RANBP2: variants seen among roughly 807,000 people sequenced by gnomAD.
RANBP2 encodes the protein RAN binding protein 2, also known as E3 SUMO-protein ligase RanBP2.
Under a neutral mutation model 303.6 loss-of-function variants are expected in RANBP2, and 57 were observed. That is an observed-to-expected ratio of 0.19 (90% CI 0.15 to 0.23). The LOEUF is 0.23. RANBP2 is among the 10% of genes least tolerant of loss of function. The pLI is 1.00. For synonymous variants in RANBP2, 1,167 were observed against 1,301.5 expected, an observed-to-expected ratio of 0.90 and a Z score of 2.23; for missense variants, 3,138 against 3,780.8, an observed-to-expected ratio of 0.83 and a Z score of 4.46.
At chr2:108,790,575 GC>G (rs201340427), downstream of RANBP2, among the ~76,000 whole-genome samples, 2,059 of 152,244 alleles carry the variant, frequency 0.014, 56 homozygotes, top group African/African-American at 0.048. Flanking sequence ...GGTGGCGGGT[GC>G]CTGTAGTCCC....
chr2:108,772,743 T>G, intron 22 of RANBP2, 125 bp from the exon 23 acceptor site: 2 of 1,229,798 alleles, frequency 1.6e-6, no homozygotes, highest in South Asian at 2.8e-5. Flanking sequence ...TGGGTGGTCC[T>G]TGTTTTTCAT....
the RANBP2 span, among the ~76,000 whole-genome samples, chr2:109,685,369 T>C: frequency 1.1e-4 from 16 of 152,232 alleles, no homozygotes; most frequent in Non-Finnish European, 1.6e-4. Context: ...AGGGTACGTA[T>C]GTATATTTCA....
chr2:109,330,156 G>C, the RANBP2 span, among the ~76,000 whole-genome samples: 1 of 152,214 alleles, frequency 6.6e-6, no homozygotes, highest in Non-Finnish European at 1.5e-5. Context: ...GAGATACTTA[G>C]AGGGAACATG....
At chr2:109,147,532 T>C in the RANBP2 span, among the ~76,000 whole-genome samples, 1 of 152,332 alleles carries the variant, frequency 6.6e-6, no homozygotes, top group African/African-American at 2.4e-5. Flanking sequence ...TAGCACTAAA[T>C]GGAATGCTAA....
the RANBP2 span, chr2:109,436,996 A>G: frequency 6.2e-7 from 1 of 1,613,850 alleles, no homozygotes; most frequent in Non-Finnish European, 8.5e-7. Flanking sequence ...TGGGAGTCTG[A>G]GCAGCCTGGC....
At chr2:109,423,461 C>T in the RANBP2 span, among the ~76,000 whole-genome samples, 1 of 152,308 alleles carries the variant, frequency 6.6e-6, no homozygotes, top group African/African-American at 2.4e-5. Flanking sequence ...CATTCTGGGA[C>T]ACAGGAAAAG....
chr2:109,624,910 G>A, the RANBP2 span, among the ~76,000 whole-genome samples: 8 of 151,758 alleles, frequency 5.3e-5, no homozygotes, highest in South Asian at 8.3e-4. Flanking sequence ...GCGAAACCCC[G>A]TCTCTACTAA....
At chr2:109,274,229 T>C in the RANBP2 span, among the ~76,000 whole-genome samples, 2 of 152,222 alleles carry the variant, frequency 1.3e-5, no homozygotes, top group Non-Finnish European at 2.9e-5. Flanking sequence ...AGATTTCAAG[T>C]TCATTGGTCC....
At chr2:109,098,411 C>G in the RANBP2 span, among the ~76,000 whole-genome samples, 1 of 152,208 alleles carries the variant, frequency 6.6e-6, no homozygotes, top group Non-Finnish European at 1.5e-5. Context: ...GTCTCAATCT[C>G]CAGTGGGTGT....
At chr2:109,192,354 C>A in the RANBP2 span, among the ~76,000 whole-genome samples, 1 of 152,180 alleles carries the variant, frequency 6.6e-6, no homozygotes, top group African/African-American at 2.4e-5. Context: ...AAAACCTCTT[C>A]TTTTGAGCAG....
At chr2:109,250,094 T>G in the RANBP2 span, among the ~76,000 whole-genome samples, 1 of 151,682 alleles carries the variant, frequency 6.6e-6, no homozygotes, top group Non-Finnish European at 1.5e-5. Context: ...GTGTTCCTTT[T>G]TTTTTTTTTT....
chr2:109,491,087 G>A, the RANBP2 span: 1 of 361,420 alleles, frequency 2.8e-6, no homozygotes, highest in Non-Finnish European at 3.9e-6. Context: ...TCCCGAGCTT[G>A]GGTGGTGAGT....
the RANBP2 span, among the ~76,000 whole-genome samples, chr2:109,696,644 A>G: frequency 2.0e-5 from 3 of 152,184 alleles, no homozygotes; most frequent in Admixed American, 1.3e-4. Flanking sequence ...TTACATTTTC[A>G]TGCAAGCTTA....
At chr2:109,278,098 G>A in the RANBP2 span, among the ~76,000 whole-genome samples, 2 of 151,746 alleles carry the variant, frequency 1.3e-5, no homozygotes, top group Non-Finnish European at 2.9e-5. Context: ...GATGGCTTGA[G>A]CCCAGGAGGT....
At chr2:109,304,566 C>G in the RANBP2 span, among the ~76,000 whole-genome samples, 1 of 152,210 alleles carries the variant, frequency 6.6e-6, no homozygotes, top group South Asian at 2.1e-4. Flanking sequence ...GTTAACTCCG[C>G]TGCACCCGTC....
At chr2:109,461,447 G>A in the RANBP2 span, among the ~76,000 whole-genome samples, 48 of 140,858 alleles carry the variant, frequency 3.4e-4, 1 homozygote, top group African/African-American at 1.2e-3. Flanking sequence ...AGACCTGCGC[G>A]GTGATCCACC....
At chr2:109,680,536 C>T in the RANBP2 span, among the ~76,000 whole-genome samples, 3 of 152,116 alleles carry the variant, frequency 2.0e-5, no homozygotes, top group African/African-American at 7.2e-5. Flanking sequence ...TAGTAGTTAT[C>T]TCTTAAGGTT....
At chr2:109,652,328 T>G in the RANBP2 span, among the ~76,000 whole-genome samples, 41 of 151,938 alleles carry the variant, frequency 2.7e-4, no homozygotes, top group African/African-American at 9.7e-4. Context: ...GTTCACGCCA[T>G]TCTCCTGCCT....
At chr2:109,730,467 G>A in the RANBP2 span, among the ~76,000 whole-genome samples, 16 of 152,200 alleles carry the variant, frequency 1.1e-4, no homozygotes, top group African/African-American at 3.6e-4. Context: ...GAAGGGATGT[G>A]TAAGACGGAA....
Sources: allele counts gnomAD v4.1 joint callset (sites outside exome capture counted in the v4.1 genomes callset), GRCh38; gene constraint gnomAD v4.1.1; transcripts MANE v1.5; gene names NCBI Gene and HGNC (gene_info 2026-07-23, HGNC 2026-07-21).